SIPA1L3: variants seen among roughly 807,000 people sequenced by gnomAD.
SIPA1L3 encodes the protein signal-induced proliferation-associated 1-like protein 3.
In SIPA1L3, 59 loss-of-function variants were observed where a neutral mutation model predicts 150.1. The ratio of observed to expected loss-of-function variants is 0.39; its 90% CI spans 0.32 to 0.49. The LOEUF (loss-of-function observed/expected upper bound fraction) is 0.49. SIPA1L3 is among the 20% of genes least tolerant of loss of function. The pLI is 0.86. For synonymous variants in SIPA1L3, 1,070 were observed against 1,077.6 expected (o/e 0.99, Z 0.14); for missense variants, 2,211 against 2,489.5 (o/e 0.89, Z 2.38).
At chr19:37,924,574 A>G (rs1484307877) in intron 1 of SIPA1L3, among the ~76,000 whole-genome samples, 2 of 151,748 alleles carry the variant, frequency 1.3e-5, no homozygotes, top group African/African-American at 4.8e-5. Flanking sequence ...GCCGCTCGGG[A>G]GGCTGAGGCA....
In SIPA1L3 at chr19:38,002,352, C is replaced by T. The variant is rs10424626; in HGVS notation, c.-378-26737C>T. Among the ~76,000 whole-genome samples, 1,474 of 152,178 alleles carry T rather than the reference C, an allele frequency of 9.7e-3. 22 individuals carry two copies. Among genetic ancestry groups the T allele is most frequent in the African/African-American group, 0.033 (1,368 of 41,498 alleles). ...TAGTATCATGTCTTTAAGGTTCATTCATGTTGTATATATCAGAATTTCCTT... is the reference window on the plus strand; with the variant it reads ...TAGTATCATGTCTTTAAGGTTCATTTATGTTGTATATATCAGAATTTCCTT... On this transcript the variant is annotated intron_variant, in intron 1 of 21. Transcript: ENST00000222345.
At chr19:37,988,624 C>T (rs374289631) in intron 1 of SIPA1L3, among the ~76,000 whole-genome samples, 2 of 151,690 alleles carry the variant, frequency 1.3e-5, no homozygotes, top group South Asian at 2.1e-4. Context: ...TGTAGTGAGC[C>T]GAGATCACAC....
rs1969059863 is a variant in SIPA1L3 at position 38,046,469 on chromosome 19, G to A, written c.-311+17313G>A. On this transcript the variant is annotated intron_variant, in intron 2 of 21. Transcript: ENST00000222345. The surrounding 1 kb of genome is among the most constrained non-coding windows in gnomAD (Gnocchi z 5.6). Reference sequence around the variant, plus strand: ...TCTTTGACCTCATGCCGATCAACGTGCTTCTCTCGGTTCCCTGTTCTGGGC... The same window carrying A: ...TCTTTGACCTCATGCCGATCAACGTACTTCTCTCGGTTCCCTGTTCTGGGC... 6.6e-6 allele frequency among the ~76,000 whole-genome samples: 1 copy of A among 152,204 alleles called. No individual in the cohort carries two copies. The highest frequency in any genetic ancestry group is 2.1e-4 in the South Asian group (1 of 4,830).
Position 38,192,225 on chromosome 19 carries a change from A to G in SIPA1L3, c.4511A>G (p.Lys1504Arg). The change falls in exon 17 of 22, where the codon AAG becomes AGG. Residue 1504 changes from lysine to arginine, a missense_variant. Physicochemically the swap from Lys to Arg is conservative, Grantham distance 26. This residue lies in a region of SIPA1L3 where 806 missense variants were observed against 870.1 expected (regional missense o/e 0.93). Coordinates refer to ENST00000222345, the MANE Select transcript of SIPA1L3 (RefSeq NM_015073.3). ...ASLRDLRSPR[K>R]NYKSTIEDDL... ...CTCCGAGACCTCCGGTCACCACGGA[A>G]GAACTACAAATCCACCATCGAGGAT... 1 of 1,613,754 alleles carries G rather than the reference A, an allele frequency of 6.2e-7. No individual in the cohort carries two copies. The highest frequency in any genetic ancestry group is 8.5e-7 in the Non-Finnish European group (1 of 1,179,850).
rs571321635 is a variant in SIPA1L3, at chr19:38,160,770, T to A, written c.3662-1483T>A. On this transcript the variant is annotated intron_variant, in intron 13 of 21. Transcript: ENST00000222345. ...GGACCAGCAATTCCACCAGTAGCAC[T>A]CTCTGTCCCACACACAATCCCACGC... Among the ~76,000 whole-genome samples the A allele has an allele frequency of 1.3e-3, 192 of 152,238 alleles. 1 individual carries two copies. The highest frequency in any genetic ancestry group is 0.011 in the Admixed American group (172 of 15,286).
chr19:38,146,632 A>T (rs1057203970), intron 12 of SIPA1L3, among the ~76,000 whole-genome samples: 1 of 152,182 alleles, frequency 6.6e-6, no homozygotes, highest in African/African-American at 2.4e-5. Context: ...TTTGAAAAGG[A>T]ACTGCCAAAC....
rs77349957 is a variant in SIPA1L3, at chr19:38,100,844, G to T, written c.1855-208G>T. Among the ~76,000 whole-genome samples the T allele has an allele frequency of 0.024, 3,640 of 152,350 alleles. 71 individuals carry two copies. Among genetic ancestry groups the T allele is most frequent in the Non-Finnish European group, 0.04 (2,689 of 68,030 alleles). On this transcript the variant is annotated intron_variant, in intron 5 of 21. Coordinates refer to ENST00000222345, the MANE Select transcript of SIPA1L3 (RefSeq NM_015073.3). The stretch of plus-strand genomic sequence containing the variant: ...GAAGAGGCGGCCTGGATACCTCGTT[G>T]TGCTTCTCTGGAGTGGAAGGGAGGG...
intron 2 of SIPA1L3, among the ~76,000 whole-genome samples, chr19:38,073,096 C>T (rs1310811436): frequency 6.6e-6 from 1 of 152,190 alleles, no homozygotes; most frequent in Non-Finnish European, 1.5e-5. Flanking sequence ...GCCAGTGGGA[C>T]ATAAAAGAAA....
intron 1 of SIPA1L3, among the ~76,000 whole-genome samples, chr19:37,937,906 G>GT (rs1353484278): frequency 6.6e-6 from 1 of 151,752 alleles, no homozygotes; most frequent in East Asian, 1.9e-4. Context: ...AATTAGCTGG[G>GT]TGTGGTGGTG....
At chr19:37,996,099 A>ATG (rs1473349841) in intron 1 of SIPA1L3, among the ~76,000 whole-genome samples, 1 of 151,834 alleles carries the variant, frequency 6.6e-6, no homozygotes, top group Non-Finnish European at 1.5e-5. Flanking sequence ...TTTTTGGGGG[A>ATG]TGTGTGTGTG....
intron 6 of SIPA1L3, among the ~76,000 whole-genome samples, chr19:38,106,041 C>G (rs1970616527): frequency 1.3e-5 from 2 of 152,170 alleles, no homozygotes; most frequent in South Asian, 2.1e-4. Flanking sequence ...TGCTGTCAGA[C>G]TTTTTAATTT....
rs759518614 is a variant in SIPA1L3, at chr19:38,193,718, C to G, written c.4778C>G (p.Pro1593Arg). The G allele has an allele frequency of 6.4e-7, 1 of 1,567,424 alleles. No individual in the cohort carries two copies. The highest frequency in any genetic ancestry group is 8.6e-7 in the Non-Finnish European group (1 of 1,165,314). ...TLPARRQHQH[P>R]HPPVGPGATP... ...CCTGCACGCCGCCAGCACCAGCACCCCCACCCGCCCGTCGGCCCCGGTGCC... is the reference window on the plus strand; with the variant it reads ...CCTGCACGCCGCCAGCACCAGCACCGCCACCCGCCCGTCGGCCCCGGTGCC... The change falls in exon 18 of 22, where the codon CCC becomes CGC. Residue 1593 changes from proline to arginine, a missense_variant. By Grantham distance (103) the Pro-to-Arg change is moderately radical. This residue lies in a region of SIPA1L3 where 806 missense variants were observed against 870.1 expected (regional missense o/e 0.93). Transcript: ENST00000222345.
chr19:38,101,153 G>A lies in SIPA1L3; in HGVS notation c.1956G>A (p.Glu652=). Residue 652 remains glutamate (E), a synonymous_variant, in exon 6 of 22, where the codon GAG becomes GAA. Coordinates refer to ENST00000222345, the MANE Select transcript of SIPA1L3 (RefSeq NM_015073.3). ...AGGAGGCCGGCCCCGCCTTTGAGGA[G>A]TTCCTCTCCCTCATCGGCGAGAAGG... is the stretch of plus-strand genomic sequence containing the variant. ...NNEEAGPAFE[E]FLSLIGEKVC... is the part of the protein sequence containing the mutation. 6.2e-7 allele frequency: 1 copy of A among 1,611,266 alleles called. No homozygotes were observed. The highest frequency in any genetic ancestry group is 8.5e-7 in the Non-Finnish European group (1 of 1,179,034).
At chr19:37,917,268 C>T (rs2046421805) in intron 1 of SIPA1L3, among the ~76,000 whole-genome samples, 2 of 152,164 alleles carry the variant, frequency 1.3e-5, no homozygotes, top group African/African-American at 4.8e-5. Context: ...TCGGACAGCA[C>T]TGGCCGAGGG....
At chr19:38,100,510 G>C (rs1247703286) in intron 5 of SIPA1L3, among the ~76,000 whole-genome samples, 1 of 152,122 alleles carries the variant, frequency 6.6e-6, no homozygotes, top group East Asian at 1.9e-4. Context: ...TAGAATTACA[G>C]CCACATGCAG....
At chr19:38,193,892 G>A (rs892934625) in intron 18 of SIPA1L3, 112 bp downstream of exon 18, 2 of 1,214,158 alleles carry the variant, frequency 1.6e-6, no homozygotes, top group Non-Finnish European at 2.2e-6. Context: ...TCAGTGTCGG[G>A]GCCATCTCAG....
intron 13 of SIPA1L3, among the ~76,000 whole-genome samples, chr19:38,157,614 G>A (rs1451271787): frequency 6.6e-6 from 1 of 152,184 alleles, no homozygotes; most frequent in East Asian, 1.9e-4. Flanking sequence ...GTTTTAGCAT[G>A]CTCTCACGCT....
intron 1 of SIPA1L3, among the ~76,000 whole-genome samples, chr19:37,960,192 C>G (rs2046844740): frequency 6.6e-6 from 1 of 152,080 alleles, no homozygotes. Flanking sequence ...ATATTTCTTA[C>G]AGATCAAATC....
intron 2 of SIPA1L3, among the ~76,000 whole-genome samples, chr19:38,042,404 C>A (rs575185639): frequency 1.3e-5 from 2 of 152,110 alleles, no homozygotes; most frequent in Non-Finnish European, 2.9e-5. Flanking sequence ...CTTTTTATTT[C>A]GCAGTGTTGC....
Sources: allele counts gnomAD v4.1 joint callset (sites outside exome capture counted in the v4.1 genomes callset), GRCh38; gene constraint gnomAD v4.1.1; regional missense constraint gnomAD v4.1.1; non-coding constraint Gnocchi (gnomAD v3.1); transcripts MANE v1.5; gene names NCBI Gene and HGNC (gene_info 2026-07-23, HGNC 2026-07-21).